FBXW2: variants seen among roughly 807,000 people sequenced by gnomAD.
The protein encoded by FBXW2 is F-box and WD repeat domain containing 2.
In FBXW2, 12 loss-of-function variants were observed where a neutral mutation model predicts 46.0. The ratio of observed to expected loss-of-function variants is 0.26; its 90% CI spans 0.17 to 0.42. FBXW2 has a LOEUF of 0.42. Among genes scored for constraint, FBXW2 ranks in the 10% least tolerant of loss-of-function variants. The probability of loss-of-function intolerance (pLI) is 1.00; values close to 1 mark genes in which losing one functional copy is unlikely to be tolerated. For missense variants in FBXW2, 360 were observed against 537.0 expected (o/e 0.67, Z 3.26); for synonymous variants, 203 against 209.6 (o/e 0.97, Z 0.27).
At chr9:120,790,597 C>CAT in intron 2 of FBXW2, among the ~76,000 whole-genome samples, 1 of 152,284 alleles carries the variant, frequency 6.6e-6, no homozygotes, top group East Asian at 1.9e-4. Flanking sequence ...TATATACACA[C>CAT]ATACATACAC....
intron 3 of FBXW2, among the ~76,000 whole-genome samples, chr9:120,780,141 A>G (rs897734238): frequency 1.6e-4 from 24 of 146,476 alleles, no homozygotes; most frequent in African/African-American, 5.4e-4. Flanking sequence ...ACCTCAAAGA[A>G]AAAAAAAAAA....
chr9:120,758,950 C>T lies in FBXW2; in HGVS notation c.*5609G>A, dbSNP rs543172152. 1 of 152,254 alleles carries T rather than the reference C, an allele frequency of 6.6e-6. No homozygotes were observed. Among genetic ancestry groups the T allele is most frequent in the Admixed American group, 6.5e-5 (1 of 15,290 alleles). The allele number at this position is 152,254 out of a possible 1,614,324, so 9.4% of individuals were successfully genotyped here. A position where few individuals can be genotyped will look rare whatever the true frequency, so the allele number is the denominator to read the frequency against. ...CATTTGCAACTATTCATGAAATTCA[C>T]CAAAATTATTTCCTTGTGTTTTACC... On this transcript the variant is annotated 3_prime_UTR_variant, in exon 8 of 8. Transcript: ENST00000608872.
At chr9:120,765,211 C>T (rs2044254095) in intron 7 of FBXW2, among the ~76,000 whole-genome samples, 1 of 151,764 alleles carries the variant, frequency 6.6e-6, no homozygotes, top group African/African-American at 2.4e-5. Flanking sequence ...TCTCCTGCTT[C>T]AGCCTCACAA....
chr9:120,789,634 A>G (rs942925176), intron 2 of FBXW2, among the ~76,000 whole-genome samples: 2 of 152,220 alleles, frequency 1.3e-5, no homozygotes, highest in Non-Finnish European at 2.9e-5. Context: ...ATTAATTTTA[A>G]AAACATATGT....
At chr9:120,792,756 G>C in intron 2 of FBXW2, 1 of 654,946 alleles carries the variant, frequency 1.5e-6, no homozygotes, top group Non-Finnish European at 2.3e-6. Flanking sequence ...GGTTAAACAA[G>C]ACAGTGCAAG....
intron 4 of FBXW2, 93 bp from the exon 5 acceptor site, chr9:120,776,319 A>G (rs1447123692): frequency 7.0e-7 from 1 of 1,424,776 alleles, no homozygotes; most frequent in African/African-American, 1.4e-5. Flanking sequence ...CCAATTATAT[A>G]ATTTCCCAAC....
At chr9:120,784,977 G>A (rs1482140858) in intron 3 of FBXW2, among the ~76,000 whole-genome samples, 2 of 149,986 alleles carry the variant, frequency 1.3e-5, no homozygotes, top group Non-Finnish European at 3.0e-5. Flanking sequence ...CTGCCAGTAG[G>A]AGCTCCAAGC....
intron 3 of FBXW2, among the ~76,000 whole-genome samples, chr9:120,783,594 T>A (rs1410565860): frequency 6.6e-6 from 1 of 152,214 alleles, no homozygotes; most frequent in Non-Finnish European, 1.5e-5. Context: ...CTGCACTCTT[T>A]AGAAAGGCAA....
Position 120,759,053 on chromosome 9 carries a change from T to TA in FBXW2, c.*5505dup, listed in dbSNP as rs908587331. 11 of 152,096 alleles carry TA rather than the reference T, an allele frequency of 7.2e-5. No individual in the cohort carries two copies. Among genetic ancestry groups the TA allele is most frequent in the Non-Finnish European group, 1.2e-4 (8 of 68,020 alleles). The allele number at this position is 152,096 out of a possible 1,614,324, so 9.4% of individuals were successfully genotyped here. On this transcript the variant is annotated 3_prime_UTR_variant, in exon 8 of 8. Coordinates refer to ENST00000608872, the MANE Select transcript of FBXW2 (RefSeq NM_012164.4). ...TACCTTCTAGAAGATGCAGAAACAG[T>TA]AAAAAAACAGAGCCACCTCAGATCA...
rs796779371 is a variant in FBXW2, at chr9:120,784,622, G to GA, written c.490+3146dup. Among the ~76,000 whole-genome samples, 205 of 136,456 alleles carry GA rather than the reference G, an allele frequency of 1.5e-3. 1 individual carries two copies. The highest frequency in any genetic ancestry group is 6.0e-3 in the East Asian group (28 of 4,646). The allele number at this position is 136,456 out of a possible 152,430, so 89.5% of individuals were successfully genotyped here. Reference sequence around the variant, plus strand: ...CCAGTGAGAGGTTGTCTCCAAAAAAGAAAAAAAAAAAATGCGGCTGGGTGC... The same window carrying GA: ...CCAGTGAGAGGTTGTCTCCAAAAAAGAAAAAAAAAAAAATGCGGCTGGGTGC... On this transcript the variant is annotated intron_variant, in intron 3 of 7. Transcript: ENST00000608872.
At chr9:120,788,398 T>C in intron 2 of FBXW2, 120 bp from the exon 3 acceptor site, 1 of 860,218 alleles carries the variant, frequency 1.2e-6, no homozygotes, top group Non-Finnish European at 1.8e-6. Flanking sequence ...TTATGCGTAG[T>C]TACATTACAA....
rs76966594 is a variant in FBXW2, at chr9:120,776,414, T to G, written c.686-188A>C. The G allele has an allele frequency of 3.5e-3, 2,199 of 623,026 alleles. 31 individuals are homozygous for G. The African/African-American group carries it at 0.038, about 11-fold the overall frequency. 38.6% of individuals were successfully genotyped at this position (623,026 alleles called of 1,614,324 possible). A position where few individuals can be genotyped will look rare whatever the true frequency, so the allele number is the denominator to read the frequency against. On this transcript the variant is annotated intron_variant, in intron 4 of 7. Coordinates refer to ENST00000608872, the MANE Select transcript of FBXW2 (RefSeq NM_012164.4). ...AATTCTTACTATTATAGCTTATTAT[T>G]CTAAGGTGGAAAGTCCTAGGAATAA... is the stretch of plus-strand genomic sequence containing the variant.
intron 3 of FBXW2, among the ~76,000 whole-genome samples, chr9:120,780,455 TA>T: frequency 6.6e-6 from 1 of 152,198 alleles, no homozygotes; most frequent in Non-Finnish European, 1.5e-5. Context: ...AATATTGAGA[TA>T]TTTTATATTC....
chr9:120,764,939 A>C, intron 7 of FBXW2, 92 bp from the exon 8 acceptor site: 1 of 1,060,452 alleles, frequency 9.4e-7, no homozygotes, highest in Non-Finnish European at 1.3e-6. Flanking sequence ...TAAAACCAAT[A>C]TTAAATTCAA....
intron 3 of FBXW2, among the ~76,000 whole-genome samples, chr9:120,782,850 CAAAAG>C (rs1398291353): frequency 6.6e-6 from 1 of 151,900 alleles, no homozygotes; most frequent in Non-Finnish European, 1.5e-5. Flanking sequence ...GACCTTATCT[CAAAAG>C]AAAACCCCCC....
rs1482903954 is a variant in FBXW2, at chr9:120,787,786, T to C, written c.473A>G (p.Asp158Gly). The C allele has an allele frequency of 2.5e-6, 4 of 1,613,358 alleles. No homozygotes were observed. The highest frequency in any genetic ancestry group is 3.4e-6 in the Non-Finnish European group (4 of 1,179,772). ...TCTCTTACCTGTACAGAGAAGTCCATCTTTGTAGTAAAGTGCATACACTCT... is the reference window on the plus strand; with the variant it reads ...TCTCTTACCTGTACAGAGAAGTCCACCTTTGTAGTAAAGTGCATACACTCT... ...SARVYALYYK[D>G]GLLCTGSDDL... Residue 158 changes from aspartate to glycine, a missense_variant, in exon 3 of 8, where the codon GAT becomes GGT. Asp to Gly is a moderately conservative substitution (Grantham distance 94). Coordinates refer to ENST00000608872, the MANE Select transcript of FBXW2 (RefSeq NM_012164.4).
rs111783632 is a variant in FBXW2, at chr9:120,790,280, C to T, written c.-20-2002G>A. On this transcript the variant is annotated intron_variant, in intron 2 of 7. Transcript: ENST00000608872. ...CGGCCGGATCACGAGGTCAGGAGAT[C>T]GAGATCATCCTGGCTAACACAGTGA... is the stretch of plus-strand genomic sequence containing the variant. 4.4e-3 allele frequency among the ~76,000 whole-genome samples: 677 copies of T among 152,162 alleles called. 8 individuals carry two copies. The highest frequency in any genetic ancestry group is 0.015 in the African/African-American group (630 of 41,522).
At chr9:120,778,618 G>A in intron 3 of FBXW2, 73 bp from the exon 4 acceptor site, 5 of 1,324,424 alleles carry the variant, frequency 3.8e-6, no homozygotes, top group Non-Finnish European at 5.3e-6. Context: ...CCAAAATCAT[G>A]GTGTTCTTCA....
rs1396553460 is a variant in FBXW2 at position 120,764,281 on chromosome 9, G to A, written c.*278C>T. 3 of 419,988 alleles carry A rather than the reference G, an allele frequency of 7.1e-6. No individual in the cohort carries two copies. The highest frequency in any genetic ancestry group is 1.0e-4 in the South Asian group (1 of 9,676). 26.0% of individuals were successfully genotyped at this position (419,988 alleles called of 1,614,324 possible). A position where few individuals can be genotyped will look rare whatever the true frequency, so the allele number is the denominator to read the frequency against. ...TAAAACCAATACTCCACTCAAGAAA[G>A]ATGAACCCAAAATGCATCCTCTAAC... is the stretch of plus-strand genomic sequence containing the variant. On this transcript the variant is annotated 3_prime_UTR_variant, in exon 8 of 8. Transcript: ENST00000608872.
Sources: allele counts gnomAD v4.1 joint callset (sites outside exome capture counted in the v4.1 genomes callset), GRCh38; gene constraint gnomAD v4.1.1; transcripts MANE v1.5; gene names NCBI Gene and HGNC (gene_info 2026-07-23, HGNC 2026-07-21).